FNDC3B: variants seen among roughly 807,000 people sequenced by gnomAD.
FNDC3B encodes fibronectin type III domain-containing protein 3B.
FNDC3B carries 12 observed loss-of-function variants against 151.5 expected under a neutral mutation model. The ratio of observed to expected loss-of-function variants is 0.08; its 90% confidence interval spans 0.05 to 0.13. The LOEUF (loss-of-function observed/expected upper bound fraction) is 0.13, where lower values mean the gene tolerates loss of function less well. Among genes scored for constraint, FNDC3B ranks in the 10% least tolerant of loss-of-function variants. The probability of loss-of-function intolerance (pLI) is 1.00; values close to 1 mark genes in which losing one functional copy is unlikely to be tolerated. For synonymous variants in FNDC3B, 528 were observed against 549.0 expected, an observed-to-expected ratio of 0.96 and a Z score of 0.54; for missense variants, 1,214 against 1,505.3, an observed-to-expected ratio of 0.81 and a Z score of 3.20.
chr3:172,288,343 T>C (rs1576876327), intron 7 of FNDC3B, among the ~76,000 whole-genome samples: 1 of 152,338 alleles, frequency 6.6e-6, no homozygotes, highest in East Asian at 1.9e-4. Context: ...TTCACTCAGG[T>C]AAATGCCACA....
chr3:172,147,305 C>T (rs1576908009), intron 3 of FNDC3B, among the ~76,000 whole-genome samples: 1 of 98,386 alleles, frequency 1.0e-5, no homozygotes, highest in Admixed American at 9.6e-5. Flanking sequence ...GACCCTGTCT[C>T]CAAACAAAAA....
At chr3:172,354,128 A>G (rs1000399376) in intron 22 of FNDC3B, among the ~76,000 whole-genome samples, 2 of 152,194 alleles carry the variant, frequency 1.3e-5, no homozygotes, top group Admixed American at 6.5e-5. Flanking sequence ...AGGAAAATCA[A>G]TCAAAACCTT....
chr3:172,108,945 T>C (rs1056376935), intron 1 of FNDC3B, among the ~76,000 whole-genome samples: 4 of 152,200 alleles, frequency 2.6e-5, no homozygotes, highest in Non-Finnish European at 4.4e-5. Context: ...GTTGGGCAGT[T>C]CCTTGCCTCG....
At chr3:172,361,328 A>G (rs889574907) in intron 22 of FNDC3B, among the ~76,000 whole-genome samples, 5 of 152,142 alleles carry the variant, frequency 3.3e-5, no homozygotes, top group African/African-American at 1.2e-4. Flanking sequence ...TTTTAATTAT[A>G]AGTTCTAACT....
At chr3:172,308,128 A>C (rs1186010795) in intron 10 of FNDC3B, among the ~76,000 whole-genome samples, 1 of 152,210 alleles carries the variant, frequency 6.6e-6, no homozygotes, top group Non-Finnish European at 1.5e-5. Flanking sequence ...AGTGATCTAA[A>C]CTATGTTAGT....
Position 172,284,379 on chromosome 3 carries a change from C to T in FNDC3B, c.791-1547C>T, listed in dbSNP as rs1260505453. 2.0e-5 allele frequency among the ~76,000 whole-genome samples: 3 copies of T among 152,150 alleles called. No homozygotes were observed. The South Asian group carries it at 6.2e-4, about 32-fold the overall frequency. On this transcript the variant is annotated intron_variant, in intron 6 of 25. Coordinates refer to ENST00000415807, the MANE Select transcript of FNDC3B (RefSeq NM_022763.4). ...GGAAAAAATTTGCCTACTCCGGACC[C>T]TGTGGTGTCTCTGTCTTCCTCAATC... is the stretch of plus-strand genomic sequence containing the variant.
At chr3:172,144,085 G>T (rs1328379692) in intron 3 of FNDC3B, among the ~76,000 whole-genome samples, 1 of 152,128 alleles carries the variant, frequency 6.6e-6, no homozygotes. Context: ...CTTGGTGCTG[G>T]GATCTGCTTC....
At chr3:172,274,486 T>C (rs771305619) in intron 6 of FNDC3B, among the ~76,000 whole-genome samples, 2 of 151,420 alleles carry the variant, frequency 1.3e-5, no homozygotes, top group Non-Finnish European at 2.9e-5. Context: ...TGGGTTCTTT[T>C]AGATTTTCCT....
At chr3:172,260,362 A>G (rs528581468) in intron 6 of FNDC3B, among the ~76,000 whole-genome samples, 68 of 152,368 alleles carry the variant, frequency 4.5e-4, no homozygotes, top group Admixed American at 8.5e-4. Flanking sequence ...TTTAGTCTCA[A>G]TTCAGCCACT....
intron 2 of FNDC3B, among the ~76,000 whole-genome samples, chr3:172,126,164 G>T (rs544497375): frequency 9.2e-5 from 14 of 152,064 alleles, no homozygotes; most frequent in African/African-American, 3.1e-4. Context: ...TTTCAACTTG[G>T]CTCATTATAC....
At position 172,347,475 on chromosome 3, in the gene FNDC3B, A is replaced by C. The variant is rs1420028526; in HGVS notation, c.2514+114A>C. 5.9e-6 allele frequency: 4 copies of C among 680,354 alleles called. No individual in the cohort carries two copies. In the East Asian group the frequency reaches 9.1e-5, roughly 15 times the overall value. The allele number at this position is 680,354 out of a possible 1,614,324, so 42.1% of individuals were successfully genotyped here. ...GGCTGTCAGGAGGGATGATATGGAA[A>C]AAAAGAGTCCATTTAAATAAAAATA... On this transcript the variant is annotated intron_variant, in intron 21 of 25. Coordinates refer to ENST00000415807, the MANE Select transcript of FNDC3B (RefSeq NM_022763.4).
intron 1 of FNDC3B, among the ~76,000 whole-genome samples, chr3:172,045,292 T>C (rs1448340960): frequency 6.6e-6 from 1 of 152,216 alleles, no homozygotes; most frequent in Non-Finnish European, 1.5e-5. Flanking sequence ...AATAGGTGAT[T>C]TGTGACCTCT....
chr3:172,159,029 C>A (rs1476479318), intron 3 of FNDC3B, among the ~76,000 whole-genome samples: 1 of 152,218 alleles, frequency 6.6e-6, no homozygotes, highest in African/African-American at 2.4e-5. Context: ...CGCCTGTAAT[C>A]CCAGCATTTG....
intron 1 of FNDC3B, among the ~76,000 whole-genome samples, chr3:172,108,248 C>T (rs6801727): frequency 0.52 from 78,536 of 151,950 alleles, 21,182 homozygotes; most frequent in Admixed American, 0.61. Context: ...GTAACATCCT[C>T]ATCCATCACC....
chr3:172,266,278 T>A (rs2108797180), intron 6 of FNDC3B, among the ~76,000 whole-genome samples: 1 of 152,342 alleles, frequency 6.6e-6, no homozygotes, highest in South Asian at 2.1e-4. Flanking sequence ...GGAGGCATAC[T>A]TCTGATGGGC....
intron 4 of FNDC3B, among the ~76,000 whole-genome samples, chr3:172,236,935 A>T (rs1042851655): frequency 1.3e-5 from 2 of 152,186 alleles, no homozygotes; most frequent in African/African-American, 4.8e-5. Flanking sequence ...TAGCACCTGG[A>T]AAGAGCTAGG....
chr3:172,286,505 G>A (rs188813178), intron 7 of FNDC3B, among the ~76,000 whole-genome samples: 1 of 152,300 alleles, frequency 6.6e-6, no homozygotes, highest in East Asian at 1.9e-4. Context: ...AACTCAGAAT[G>A]TTGATTCAGC....
intron 25 of FNDC3B, among the ~76,000 whole-genome samples, chr3:172,385,083 T>G (rs185940127): frequency 1.3e-5 from 2 of 152,212 alleles, no homozygotes; most frequent in Non-Finnish European, 2.9e-5. Context: ...TTTTTTTTTT[T>G]TCTGGCTTCT....
chr3:172,191,785 C>T (rs576604590), intron 3 of FNDC3B, among the ~76,000 whole-genome samples: 1 of 152,134 alleles, frequency 6.6e-6, no homozygotes, highest in East Asian at 1.9e-4. Flanking sequence ...TGCCTGGCCT[C>T]AAATTCTTGT....
Sources: gnomAD v4.1 joint callset for allele counts (sites outside exome capture counted in the v4.1 genomes callset) on GRCh38, gnomAD v4.1.1 for gene constraint, MANE v1.5 for transcripts, NCBI Gene and HGNC (gene_info 2026-07-23, HGNC 2026-07-21) for gene names.